The following CENPW variants were observed in gnomAD, a reference collection of about 807,000 sequenced individuals.
The protein encoded by CENPW is cancer-up-regulated gene 2 protein.
Under a neutral mutation model 11.1 loss-of-function variants are expected in CENPW, and 3 were observed. The ratio of observed to expected loss-of-function variants is 0.27; its 90% confidence interval spans 0.12 to 0.70. The LOEUF (loss-of-function observed/expected upper bound fraction) is 0.70, where lower values mean the gene tolerates loss of function less well. Ranked by LOEUF, CENPW falls within the 30% of genes least tolerant of loss-of-function variation. CENPW has a pLI of 0.77. For missense variants in CENPW, 100 were observed against 105.6 expected (o/e 0.95, Z 0.23); for synonymous variants, 38 against 42.0 (o/e 0.91, Z 0.37).
chr6:126,377,926 T>C, the CENPW span, among the ~76,000 whole-genome samples: 4 of 152,156 alleles, frequency 2.6e-5, no homozygotes, highest in Admixed American at 2.0e-4. Flanking sequence ...AACCCCATAA[T>C]ACTCAGAACA....
the CENPW span, among the ~76,000 whole-genome samples, chr6:126,384,054 T>C: frequency 6.6e-6 from 1 of 152,146 alleles, no homozygotes; most frequent in Admixed American, 6.6e-5. Context: ...AATCACTCTC[T>C]TGGACCACAG....
the CENPW span, among the ~76,000 whole-genome samples, chr6:126,479,414 A>C: frequency 6.6e-6 from 1 of 151,916 alleles, no homozygotes; most frequent in Non-Finnish European, 1.5e-5. Context: ...TAAAAGTGAG[A>C]TCATCTTCAC....
At chr6:126,453,784 CTGA>C in the CENPW span, among the ~76,000 whole-genome samples, 1 of 151,060 alleles carries the variant, frequency 6.6e-6, no homozygotes, top group African/African-American at 2.4e-5. Flanking sequence ...GAAGCAAGAC[CTGA>C]TGATATGCTG....
At chr6:126,377,554 G>C in the CENPW span, among the ~76,000 whole-genome samples, 7 of 152,202 alleles carry the variant, frequency 4.6e-5, no homozygotes, top group Non-Finnish European at 7.4e-5. Flanking sequence ...TGCAGAAGGT[G>C]ATAGTTAAAT....
chr6:126,425,118 A>C, the CENPW span, among the ~76,000 whole-genome samples: 1 of 152,132 alleles, frequency 6.6e-6, no homozygotes, highest in Admixed American at 6.6e-5. Flanking sequence ...TAGTTCTCCT[A>C]GTCAATAGCA....
the CENPW span, among the ~76,000 whole-genome samples, chr6:126,406,910 T>C: frequency 6.6e-6 from 1 of 152,244 alleles, no homozygotes; most frequent in East Asian, 1.9e-4. Flanking sequence ...TCCTGGGCTT[T>C]CCTTTGCTGG....
the CENPW span, among the ~76,000 whole-genome samples, chr6:126,405,118 A>G: frequency 6.6e-6 from 1 of 152,156 alleles, no homozygotes. Context: ...TTCGTCAGGT[A>G]GATTTATAGT....
the CENPW span, among the ~76,000 whole-genome samples, chr6:126,391,279 A>G: frequency 6.6e-6 from 1 of 151,846 alleles, no homozygotes; most frequent in African/African-American, 2.4e-5. Flanking sequence ...TTTTGAAAAT[A>G]TGTATTCAGA....
At chr6:126,476,812 C>T in the CENPW span, among the ~76,000 whole-genome samples, 1 of 151,934 alleles carries the variant, frequency 6.6e-6, no homozygotes, top group South Asian at 2.1e-4. Flanking sequence ...CCTTCTATAT[C>T]TACCTGTGTG....
chr6:126,460,895 A>G, the CENPW span, among the ~76,000 whole-genome samples: 2 of 151,910 alleles, frequency 1.3e-5, no homozygotes, highest in Non-Finnish European at 2.9e-5. Context: ...GAGCCTGACT[A>G]AAGTTTAGTC....
the CENPW span, among the ~76,000 whole-genome samples, chr6:126,379,587 C>T: frequency 6.6e-6 from 1 of 152,322 alleles, no homozygotes; most frequent in South Asian, 2.1e-4. Context: ...CCAATGTGGT[C>T]TGAATCCCAT....
the CENPW span, among the ~76,000 whole-genome samples, chr6:126,366,510 A>G: frequency 6.6e-6 from 1 of 152,210 alleles, no homozygotes; most frequent in Admixed American, 6.5e-5. Flanking sequence ...ACTAAGTATT[A>G]ATGAACCATA....
the CENPW span, among the ~76,000 whole-genome samples, chr6:126,456,353 G>A: frequency 6.6e-6 from 1 of 151,606 alleles, no homozygotes; most frequent in South Asian, 2.1e-4. Context: ...CACAAAAACA[G>A]ACACATAGGC....
At chr6:126,398,160 A>G in the CENPW span, among the ~76,000 whole-genome samples, 1 of 152,186 alleles carries the variant, frequency 6.6e-6, no homozygotes, top group East Asian at 1.9e-4. Context: ...ATTGCAAATT[A>G]TGGTTTCCCT....
At chr6:126,437,806 G>A in the CENPW span, among the ~76,000 whole-genome samples, 4 of 151,548 alleles carry the variant, frequency 2.6e-5, no homozygotes, top group African/African-American at 9.7e-5. Flanking sequence ...TTGAGTGTTC[G>A]GTTTATAATG....
the CENPW span, among the ~76,000 whole-genome samples, chr6:126,404,963 A>C: frequency 7.3e-3 from 1,091 of 148,786 alleles, 12 homozygotes; most frequent in African/African-American, 0.025. Flanking sequence ...TTGTCTTTTC[A>C]CTCTATGGAC....
the CENPW span, among the ~76,000 whole-genome samples, chr6:126,365,005 C>G: frequency 6.6e-6 from 1 of 152,156 alleles, no homozygotes; most frequent in African/African-American, 2.4e-5. Flanking sequence ...TAAACATGCT[C>G]AAAATTGCAC....
At chr6:126,343,723 C>G (rs1021963247) in intron 1 of CENPW, among the ~76,000 whole-genome samples, 4 of 152,226 alleles carry the variant, frequency 2.6e-5, no homozygotes, top group Non-Finnish European at 5.9e-5. Context: ...CTGGAAGACT[C>G]AGCAAGTCAA....
the CENPW span, among the ~76,000 whole-genome samples, chr6:126,397,943 G>A: frequency 6.6e-6 from 1 of 151,994 alleles, no homozygotes; most frequent in South Asian, 2.1e-4. Flanking sequence ...TACCTTCTGT[G>A]GAGCTGATTT....
Sources: gnomAD v4.1 joint callset for allele counts (sites outside exome capture counted in the v4.1 genomes callset) on GRCh38, gnomAD v4.1.1 for gene constraint, MANE v1.5 for transcripts, NCBI Gene and HGNC (gene_info 2026-07-23, HGNC 2026-07-21) for gene names.